Variants in MSRA observed in about 807,000 individuals in gnomAD.
The protein encoded by MSRA is methionine sulfoxide reductase A.
A neutral mutation model predicts 31.3 loss-of-function variants in MSRA; 54 were observed. That is an observed-to-expected ratio of 1.73 (90% confidence interval 1.39 to 2.17). MSRA has a LOEUF of 2.17. Among genes scored for constraint, MSRA ranks in the 30% most tolerant of loss-of-function variants. The pLI is 0.00. For missense variants in MSRA, 507 were observed against 300.9 expected (o/e 1.69, Z -5.07); for synonymous variants, 169 against 116.5 (o/e 1.45, Z -2.90).
intron 5 of MSRA, among the ~76,000 whole-genome samples, chr8:10,351,045 C>T (rs1024039623): frequency 6.6e-6 from 1 of 152,208 alleles, no homozygotes; most frequent in Non-Finnish European, 1.5e-5. Flanking sequence ...GGAAAGAGAA[C>T]CTCGTTTAAG....
At chr8:10,339,846 G>C (rs1449283197) in intron 5 of MSRA, among the ~76,000 whole-genome samples, 1 of 151,920 alleles carries the variant, frequency 6.6e-6, no homozygotes, top group Non-Finnish European at 1.5e-5. Context: ...CGGCAGCAAG[G>C]GGTTTTCAAT....
chr8:10,054,960 G>A (rs898435629), intron 1 of MSRA, among the ~76,000 whole-genome samples: 1 of 152,220 alleles, frequency 6.6e-6, no homozygotes, highest in African/African-American at 2.4e-5. Flanking sequence ...CAAGTTTTGG[G>A]CAGGAAATGT....
intron 5 of MSRA, among the ~76,000 whole-genome samples, chr8:10,354,678 C>T (rs921255826): frequency 2.7e-5 from 4 of 150,526 alleles, no homozygotes; most frequent in African/African-American, 9.8e-5. Context: ...TATTTGTAAC[C>T]TGCATTTTCG....
intron 5 of MSRA, among the ~76,000 whole-genome samples, chr8:10,417,181 A>G (rs76143967): frequency 3.9e-4 from 60 of 152,158 alleles, no homozygotes; most frequent in African/African-American, 1.4e-3. Flanking sequence ...TTCCCTCCCA[A>G]TGAGTTCACA....
chr8:10,295,803 C>T (rs1165717905), intron 3 of MSRA, among the ~76,000 whole-genome samples: 2 of 152,122 alleles, frequency 1.3e-5, no homozygotes, highest in African/African-American at 4.8e-5. Flanking sequence ...CCTCTGCCCT[C>T]TCCCAGGTCT....
chr8:10,342,456 G>A (rs1436874294), intron 5 of MSRA, among the ~76,000 whole-genome samples: 1 of 152,214 alleles, frequency 6.6e-6, no homozygotes, highest in Non-Finnish European at 1.5e-5. Flanking sequence ...ATCTTAGCAT[G>A]ATGATAAGAA....
chr8:10,067,603 A>G (rs1031890455), intron 1 of MSRA, among the ~76,000 whole-genome samples: 6 of 152,320 alleles, frequency 3.9e-5, no homozygotes, highest in East Asian at 1.9e-4. Flanking sequence ...CAAACTGCCA[A>G]ATTGTCTTCT....
intron 5 of MSRA, among the ~76,000 whole-genome samples, chr8:10,339,699 G>T (rs911541228): frequency 6.6e-6 from 1 of 151,720 alleles, no homozygotes; most frequent in African/African-American, 2.4e-5. Flanking sequence ...CTGCCACCAC[G>T]CCCGGCTAAT....
intron 5 of MSRA, among the ~76,000 whole-genome samples, chr8:10,355,212 C>T (rs1405981922): frequency 6.6e-6 from 1 of 152,202 alleles, no homozygotes; most frequent in Non-Finnish European, 1.5e-5. Context: ...CAGTTCCTGG[C>T]CCAGAGGCCA....
chr8:10,428,270 T>C lies in MSRA; in HGVS notation c.666T>C (p.Leu222=), dbSNP rs1173139213. ...AGAACCCCAATGGCTACTGCGGCCT[T>C]GGGGGCACCGGCGTGTCCTGCCCAG... is the stretch of plus-strand genomic sequence containing the variant. ...LSKNPNGYCG[L]GGTGVSCPVG... The change falls in exon 6 of 6, where the codon CTT becomes CTC. Residue 222 remains leucine (L), a synonymous_variant. Coordinates refer to ENST00000317173, the MANE Select transcript of MSRA (RefSeq NM_012331.5). 2 of 1,614,008 alleles carry C rather than the reference T, an allele frequency of 1.2e-6. No individual in the cohort carries two copies. The highest frequency in any genetic ancestry group is 8.5e-7 in the Non-Finnish European group (1 of 1,179,956).
chr8:10,202,339 T>A (rs1325728530), intron 1 of MSRA, among the ~76,000 whole-genome samples: 1 of 152,250 alleles, frequency 6.6e-6, no homozygotes, highest in Non-Finnish European at 1.5e-5. Context: ...CTTGCTATTT[T>A]CCCATTGTGG....
At chr8:10,347,707 G>C (rs1008287800) in intron 5 of MSRA, among the ~76,000 whole-genome samples, 19 of 152,136 alleles carry the variant, frequency 1.2e-4, no homozygotes, top group Admixed American at 1.2e-3. Context: ...TCTCAGCCTA[G>C]CCTTCAGAGC....
intron 3 of MSRA, among the ~76,000 whole-genome samples, chr8:10,261,722 T>C (rs1798495042): frequency 6.6e-6 from 1 of 152,228 alleles, no homozygotes; most frequent in Non-Finnish European, 1.5e-5. Context: ...TATTATTAAC[T>C]AAAGTCCATA....
intron 2 of MSRA, among the ~76,000 whole-genome samples, chr8:10,237,374 A>G (rs1585240590): frequency 2.0e-5 from 3 of 152,250 alleles, no homozygotes; most frequent in Middle Eastern, 3.2e-3. Context: ...TTATCTTTCT[A>G]TTGACATTTG....
intron 5 of MSRA, among the ~76,000 whole-genome samples, chr8:10,360,256 G>C (rs1429268516): frequency 1.3e-5 from 2 of 152,158 alleles, no homozygotes; most frequent in Non-Finnish European, 2.9e-5. Flanking sequence ...TTTGTGCCCA[G>C]GTCCACCAGA....
intron 2 of MSRA, among the ~76,000 whole-genome samples, chr8:10,214,559 T>TTGGC (rs1554492540): frequency 1.3e-5 from 2 of 151,846 alleles, no homozygotes; most frequent in South Asian, 2.1e-4. Flanking sequence ...TCCCTGAATC[T>TTGGC]TGACTGAAAA....
Position 10,283,834 on chromosome 8 carries a change from T to TACACACAC in MSRA, c.332-17699_332-17698insCACACACA, listed in dbSNP as rs1481715144. Among the ~76,000 whole-genome samples, 148 of 71,060 alleles carry TACACACAC rather than the reference T, an allele frequency of 2.1e-3. 1 individual carries two copies. Among genetic ancestry groups the TACACACAC allele is most frequent in the Admixed American group, 3.2e-3 (16 of 5,026 alleles). 46.6% of individuals were successfully genotyped at this position (71,060 alleles called of 152,430 possible). On this transcript the variant is annotated intron_variant, in intron 3 of 5. Coordinates refer to ENST00000317173, the MANE Select transcript of MSRA (RefSeq NM_012331.5). ...ATATATATATATATATATATATATA[T>TACACACAC]ATACACACACACACACACACACACA...
At chr8:10,207,485 A>G (rs1485846984) in intron 1 of MSRA, among the ~76,000 whole-genome samples, 1 of 152,146 alleles carries the variant, frequency 6.6e-6, no homozygotes, top group Non-Finnish European at 1.5e-5. Flanking sequence ...TCAGCCTGGA[A>G]GTTGGAGCTT....
intron 3 of MSRA, among the ~76,000 whole-genome samples, chr8:10,278,326 G>GTGGA (rs2129105422): frequency 6.6e-6 from 1 of 152,308 alleles, no homozygotes; most frequent in African/African-American, 2.4e-5. Flanking sequence ...TTCTGTCACT[G>GTGGA]TGGAATTGGA....
Sources: allele counts gnomAD v4.1 joint callset (sites outside exome capture counted in the v4.1 genomes callset), GRCh38; gene constraint gnomAD v4.1.1; transcripts MANE v1.5; gene names NCBI Gene and HGNC (gene_info 2026-07-23, HGNC 2026-07-21).